Variants in KDELR2 observed in about 807,000 individuals in gnomAD.
KDELR2 encodes the protein KDEL endoplasmic reticulum protein retention receptor 2.
A neutral mutation model predicts 23.9 loss-of-function variants in KDELR2; 15 were observed. That is an observed-to-expected ratio of 0.63 (90% CI 0.42 to 0.97). KDELR2 has a LOEUF of 0.97. KDELR2 is among the 50% of genes least tolerant of loss of function. The pLI is 0.00. For missense variants in KDELR2, 272 were observed against 254.6 expected, an observed-to-expected ratio of 1.07 and a Z score of -0.46; for synonymous variants, 119 against 106.2, an observed-to-expected ratio of 1.12 and a Z score of -0.74.
intron 1 of KDELR2, among the ~76,000 whole-genome samples, chr7:6,483,066 A>T (rs1164095227): frequency 6.6e-6 from 1 of 152,156 alleles, no homozygotes; most frequent in Non-Finnish European, 1.5e-5. Flanking sequence ...AACGAAATGT[A>T]AAAGTCCAAA....
At chr7:6,466,377 G>A (rs987916936) in intron 3 of KDELR2, 54 bp from the exon 4 acceptor site, 22 of 1,591,650 alleles carry the variant, frequency 1.4e-5, no homozygotes, top group Admixed American at 1.7e-5. Context: ...CAGGAGCTCA[G>A]AGGAAACACT....
At chr7:6,470,045 A>G (rs1224219244) in intron 2 of KDELR2, 1 of 259,492 alleles carries the variant, frequency 3.9e-6, no homozygotes, top group Non-Finnish European at 7.4e-6. Flanking sequence ...CTGCAGTGCA[A>G]TCACACTTAT....
Position 6,466,169 on chromosome 7 carries a change from C to T in KDELR2, c.506G>A (p.Arg169His), listed in dbSNP as rs1427258187. ...GTCAAAGAAGCCCTCAAAGTAGAAGCGCCAGATCCAGTTGACAAGATACAA... is the reference window on the plus strand; with the variant it reads ...GTCAAAGAAGCCCTCAAAGTAGAAGTGCCAGATCCAGTTGACAAGATACAA... The part of the protein sequence containing the change: ...RALYLVNWIW[R>H]FYFEGFFDLI... Residue 169 changes from arginine to histidine, a missense_variant, in exon 4 of 5, where the codon CGC becomes CAC. Coordinates refer to ENST00000258739, the MANE Select transcript of KDELR2 (RefSeq NM_006854.4). 1 of 1,614,160 alleles carries T rather than the reference C, an allele frequency of 6.2e-7. No homozygotes were observed.
intron 1 of KDELR2, among the ~76,000 whole-genome samples, chr7:6,478,814 G>C (rs780228473): frequency 9.9e-5 from 15 of 152,060 alleles, no homozygotes; most frequent in Non-Finnish European, 2.1e-4. Flanking sequence ...TGAGACAAGA[G>C]TTTCATTCTT....
At chr7:6,471,593 T>C (rs1182701491) in intron 2 of KDELR2, among the ~76,000 whole-genome samples, 2 of 152,322 alleles carry the variant, frequency 1.3e-5, no homozygotes, top group South Asian at 2.1e-4. Context: ...CTTCAGTGTA[T>C]GTTGTTTCAC....
chr7:6,468,003 C>T (rs1402408536), intron 3 of KDELR2, among the ~76,000 whole-genome samples: 1 of 152,192 alleles, frequency 6.6e-6, no homozygotes, highest in Non-Finnish European at 1.5e-5. Flanking sequence ...CACATCTGTA[C>T]ATGAAAAGCA....
chr7:6,483,889 G>A, intron 1 of KDELR2, 78 bp downstream of exon 1: 1 of 1,182,928 alleles, frequency 8.5e-7, no homozygotes, highest in Non-Finnish European at 1.1e-6. Context: ...CGAGCCGTGG[G>A]GTGGCCGAGG....
At chr7:6,482,063 C>T (rs180898700) in intron 1 of KDELR2, among the ~76,000 whole-genome samples, 104 of 152,136 alleles carry the variant, frequency 6.8e-4, no homozygotes, top group Non-Finnish European at 1.0e-3. Context: ...AGTGCAATGG[C>T]GCGATCTCAG....
intron 1 of KDELR2, among the ~76,000 whole-genome samples, chr7:6,481,212 T>C (rs1257045621): frequency 1.3e-5 from 2 of 151,418 alleles, no homozygotes; most frequent in African/African-American, 4.9e-5. Context: ...CTACTAAAAA[T>C]ACAAAAATTA....
At chr7:6,465,132 G>A (rs1785474581) in intron 4 of KDELR2, among the ~76,000 whole-genome samples, 1 of 151,210 alleles carries the variant, frequency 6.6e-6, no homozygotes, top group South Asian at 2.1e-4. Flanking sequence ...AGGGGCTCCT[G>A]AACCCCTCAA....
In KDELR2 at chr7:6,462,976, AC is replaced by A. The variant is rs768698837; in HGVS notation, c.*164del. Reference sequence around the variant, plus strand: ...ATAAGGCAAGATGCATTAAACAGAAACCTTCTGGCTCTTTTCCTCTGCGTTT... The same window carrying A: ...ATAAGGCAAGATGCATTAAACAGAAACTTCTGGCTCTTTTCCTCTGCGTTT... On this transcript the variant is annotated 3_prime_UTR_variant, in exon 5 of 5. Coordinates refer to ENST00000258739, the MANE Select transcript of KDELR2 (RefSeq NM_006854.4). 5 of 1,613,086 alleles carry A rather than the reference AC, an allele frequency of 3.1e-6. No homozygotes were observed. The African/African-American group carries it at 6.7e-5, about 22-fold the overall frequency.
At chr7:6,474,350 G>A in intron 1 of KDELR2, 66 bp from the exon 2 acceptor site, 1 of 1,055,132 alleles carries the variant, frequency 9.5e-7, no homozygotes, top group Non-Finnish European at 1.5e-6. Context: ...GGATCACACT[G>A]TGCAGGGAGT....
intron 1 of KDELR2, among the ~76,000 whole-genome samples, chr7:6,479,077 C>T (rs1185170772): frequency 6.6e-6 from 1 of 152,146 alleles, no homozygotes; most frequent in African/African-American, 2.4e-5. Context: ...GTGTAAGCCA[C>T]CGTGCTCGGC....
At chr7:6,463,449 G>C (rs752349066) in intron 4 of KDELR2, among the ~76,000 whole-genome samples, 10 of 152,138 alleles carry the variant, frequency 6.6e-5, no homozygotes, top group Non-Finnish European at 1.5e-4. Context: ...ATAACATAAA[G>C]GCCGGATGCA....
At chr7:6,483,830 G>T in intron 1 of KDELR2, 137 bp downstream of exon 1, 1 of 583,372 alleles carries the variant, frequency 1.7e-6, no homozygotes, top group Non-Finnish European at 2.4e-6. Context: ...CCGGGTCCGG[G>T]CACCCGTTAG....
At chr7:6,481,099 A>G (rs1583322031) in intron 1 of KDELR2, among the ~76,000 whole-genome samples, 1 of 152,196 alleles carries the variant, frequency 6.6e-6, no homozygotes, top group Non-Finnish European at 1.5e-5. Flanking sequence ...GGCCAGGCGC[A>G]GTGGCTTACG....
chr7:6,483,040 T>G (rs1785938479), intron 1 of KDELR2, among the ~76,000 whole-genome samples: 1 of 151,970 alleles, frequency 6.6e-6, no homozygotes, highest in Non-Finnish European at 1.5e-5. Context: ...CTCTCAATTA[T>G]TATACCTTTA....
At chr7:6,466,018 A>G (rs1785495591) in intron 4 of KDELR2, 53 bp downstream of exon 4, 4 of 1,589,834 alleles carry the variant, frequency 2.5e-6, no homozygotes, top group Non-Finnish European at 3.4e-6. Context: ...GGGCAAGGGC[A>G]CTCCTAAAAG....
chr7:6,470,911 G>A (rs190612305), intron 2 of KDELR2, among the ~76,000 whole-genome samples: 3,202 of 151,952 alleles, frequency 0.021, 125 homozygotes, highest in African/African-American at 0.074. Flanking sequence ...TCAGGAGATC[G>A]AGACCATCCT....
Sources: allele counts gnomAD v4.1 joint callset (sites outside exome capture counted in the v4.1 genomes callset), GRCh38; gene constraint gnomAD v4.1.1; transcripts MANE v1.5; gene names NCBI Gene and HGNC (gene_info 2026-07-23, HGNC 2026-07-21).